XCR1: variants seen among roughly 807,000 people sequenced by gnomAD.
The protein encoded by XCR1 is X-C motif chemokine receptor 1.
For synonymous variants in XCR1, 187 were observed against 188.5 expected, an observed-to-expected ratio of 0.99 and a Z score of 0.06; for missense variants, 356 against 424.2, an observed-to-expected ratio of 0.84 and a Z score of 1.41.
chr3:46,046,473 G>A lies in XCR1; in HGVS notation c.-32+7447C>T, dbSNP rs554777333. Among the ~76,000 whole-genome samples the A allele has an allele frequency of 8.2e-4, 125 of 152,352 alleles. 1 individual carries two copies. Among genetic ancestry groups the A allele is most frequent in the African/African-American group, 2.9e-3 (121 of 41,584 alleles). On this transcript the variant is annotated intron_variant, in intron 5 of 5. Transcript: ENST00000683768. ...AAACCATCTGGCAGTGAGAGCAGTC[G>A]TGAGTTTGCCCACATCCTGCATTCA...
upstream of XCR1, among the ~76,000 whole-genome samples, chr3:46,031,056 T>A (rs1708385715): frequency 6.6e-6 from 1 of 152,184 alleles, no homozygotes; most frequent in African/African-American, 2.4e-5. Flanking sequence ...GGCTGCATGC[T>A]CCACACAGCC....
intron 5 of XCR1, among the ~76,000 whole-genome samples, chr3:46,037,313 A>G (rs1446630446): frequency 6.6e-6 from 1 of 152,162 alleles, no homozygotes; most frequent in Non-Finnish European, 1.5e-5. Flanking sequence ...CAAGGTAGAA[A>G]GGAACCAGTA....
At chr3:46,040,307 G>A (rs1697517443) in intron 5 of XCR1, among the ~76,000 whole-genome samples, 1 of 152,082 alleles carries the variant, frequency 6.6e-6, no homozygotes, top group African/African-American at 2.4e-5. Context: ...TATATTAAGT[G>A]TTGTAAGCCT....
At chr3:46,053,701 T>A (rs1336054514) in intron 5 of XCR1, among the ~76,000 whole-genome samples, 2 of 152,180 alleles carry the variant, frequency 1.3e-5, no homozygotes, top group Non-Finnish European at 2.9e-5. Context: ...AGTGCCTGCC[T>A]GTGGAAACCA....
chr3:46,056,150 G>GT (rs1188976742), intron 4 of XCR1, among the ~76,000 whole-genome samples: 2 of 152,134 alleles, frequency 1.3e-5, no homozygotes, highest in Non-Finnish European at 2.9e-5. Flanking sequence ...GAAATGTGTG[G>GT]TGTAGGTGCA....
At position 46,022,266 on chromosome 3, in the gene XCR1, C is replaced by T. The variant is rs1039258095; in HGVS notation, c.-31-288G>A. The T allele has an allele frequency of 1.1e-4, 26 of 244,834 alleles. 1 individual carries two copies. Among genetic ancestry groups the T allele is most frequent in the African/African-American group, 2.2e-5 (1 of 44,582 alleles). 15.2% of individuals were successfully genotyped at this position (244,834 alleles called of 1,614,324 possible). On this transcript the variant is annotated intron_variant, in intron 1 of 1. Transcript: ENST00000309285. ...ACTGCAGAGAGCTGTGATCATGCCA[C>T]TGCACTCCAACCTAGGTGACAGAGA... is the stretch of plus-strand genomic sequence containing the variant.
At chr3:46,047,030 T>C (rs1398343923) in intron 5 of XCR1, among the ~76,000 whole-genome samples, 2 of 120,150 alleles carry the variant, frequency 1.7e-5, no homozygotes, top group East Asian at 5.5e-4. Context: ...GCTTTTCCCC[T>C]AACCATAGAA....
At chr3:46,077,289 C>T (rs1698277489) in intron 1 of XCR1, among the ~76,000 whole-genome samples, 1 of 152,074 alleles carries the variant, frequency 6.6e-6, no homozygotes, top group South Asian at 2.1e-4. Flanking sequence ...CTCCTCCTGT[C>T]AGATCAGCAG....
chr3:46,049,541 T>G (rs184629716), intron 5 of XCR1, among the ~76,000 whole-genome samples: 33 of 152,306 alleles, frequency 2.2e-4, no homozygotes, highest in Admixed American at 7.2e-4. Flanking sequence ...ATTGTAGCAG[T>G]TTCTATGTGA....
At chr3:46,049,569 G>A (rs898034255) in intron 5 of XCR1, among the ~76,000 whole-genome samples, 1 of 152,096 alleles carries the variant, frequency 6.6e-6, no homozygotes, top group Non-Finnish European at 1.5e-5. Context: ...CATTTACAAC[G>A]TAAGCTGAAT....
At chr3:46,068,918 C>T (rs1217661750) in intron 3 of XCR1, among the ~76,000 whole-genome samples, 2 of 152,060 alleles carry the variant, frequency 1.3e-5, no homozygotes, top group Non-Finnish European at 2.9e-5. Flanking sequence ...CTGAAAAGAA[C>T]AGTATAGTAA....
intron 1 of XCR1, among the ~76,000 whole-genome samples, chr3:46,025,905 TAGAC>T (rs1413046329): frequency 6.6e-6 from 1 of 152,122 alleles, no homozygotes; most frequent in Admixed American, 6.6e-5. Flanking sequence ...CTCGTGAACA[TAGAC>T]AGAAAAATTC....
chr3:46,055,963 G>A (rs1357660479), intron 4 of XCR1, among the ~76,000 whole-genome samples: 1 of 152,232 alleles, frequency 6.6e-6, no homozygotes, highest in Non-Finnish European at 1.5e-5. Flanking sequence ...TGGTGGTTGA[G>A]TGGGATTCAG....
intron 3 of XCR1, among the ~76,000 whole-genome samples, chr3:46,071,367 C>T (rs1698161517): frequency 6.6e-6 from 1 of 152,010 alleles, no homozygotes; most frequent in African/African-American, 2.4e-5. Context: ...GATGGATTCA[C>T]AGATGAAGTC....
intron 5 of XCR1, among the ~76,000 whole-genome samples, chr3:46,035,413 T>C (rs1697407570): frequency 6.6e-6 from 1 of 152,200 alleles, no homozygotes; most frequent in African/African-American, 2.4e-5. Flanking sequence ...TCTCAGTCAT[T>C]GGTTTTCTGT....
At chr3:46,035,755 T>C (rs528081630) in intron 5 of XCR1, among the ~76,000 whole-genome samples, 41 of 152,314 alleles carry the variant, frequency 2.7e-4, no homozygotes, top group African/African-American at 9.4e-4. Flanking sequence ...TTTGAAAGAA[T>C]TTCCATTTGC....
intron 4 of XCR1, among the ~76,000 whole-genome samples, chr3:46,056,522 A>G (rs1697853734): frequency 6.6e-6 from 1 of 152,102 alleles, no homozygotes; most frequent in Non-Finnish European, 1.5e-5. Flanking sequence ...TGCCCAGGCT[A>G]GAGTGCAGTG....
rs796860967 is a variant in XCR1, at chr3:46,040,502, C to T, written c.-32+13418G>A. ...TTGTCAAATGTGAAGTGGTATTTAACTTTCTTTGGGTTATAGTTATATAGA... is the reference window on the plus strand; with the variant it reads ...TTGTCAAATGTGAAGTGGTATTTAATTTTCTTTGGGTTATAGTTATATAGA... On this transcript the variant is annotated intron_variant, in intron 5 of 5. Transcript: ENST00000683768. 3.3e-5 allele frequency among the ~76,000 whole-genome samples: 5 copies of T among 152,136 alleles called. No individual in the cohort carries two copies. The South Asian group carries it at 8.3e-4, about 25-fold the overall frequency.
upstream of XCR1, chr3:46,027,818 T>C (rs1003491706): frequency 1.3e-5 from 2 of 152,266 alleles, no homozygotes; most frequent in African/African-American, 4.8e-5. Flanking sequence ...TTCCTCCCGA[T>C]TGGTCCTTAC....
Sources: allele counts gnomAD v4.1 joint callset (sites outside exome capture counted in the v4.1 genomes callset), GRCh38; gene constraint gnomAD v4.1.1; transcripts MANE v1.5; gene names NCBI Gene and HGNC (gene_info 2026-07-23, HGNC 2026-07-21).